The following TTC28 variants were observed in gnomAD, a reference collection of about 807,000 sequenced individuals.
The protein encoded by TTC28 is tetratricopeptide repeat protein 28.
In TTC28, 61 loss-of-function variants were observed where a neutral mutation model predicts 198.0. The ratio of observed to expected loss-of-function variants is 0.31; its 90% CI spans 0.25 to 0.38. TTC28 has a LOEUF of 0.38. Ranked by LOEUF, TTC28 falls within the 10% of genes least tolerant of loss-of-function variation. The pLI is 1.00. For synonymous variants in TTC28, 1,171 were observed against 1,297.8 expected (o/e 0.90, Z 2.10); for missense variants, 2,678 against 3,164.0 (o/e 0.85, Z 3.69).
chr22:28,490,550 A>G (rs2048363599), intron 2 of TTC28, among the ~76,000 whole-genome samples: 1 of 152,232 alleles, frequency 6.6e-6, no homozygotes, highest in African/African-American at 2.4e-5. Flanking sequence ...AAGAACCAGA[A>G]ATACTGGTGG....
chr22:28,251,919 A>G (rs905600723), intron 5 of TTC28, among the ~76,000 whole-genome samples: 1 of 152,224 alleles, frequency 6.6e-6, no homozygotes, highest in Non-Finnish European at 1.5e-5. Context: ...TCAACTGATT[A>G]TTAGCCATGT....
chr22:28,631,842 A>G (rs1160073355), intron 1 of TTC28, among the ~76,000 whole-genome samples: 3 of 152,176 alleles, frequency 2.0e-5, no homozygotes, highest in Admixed American at 6.5e-5. Flanking sequence ...TCATTTTTAA[A>G]ACATAAAAAT....
At chr22:28,646,535 C>A (rs2051470329) in intron 1 of TTC28, among the ~76,000 whole-genome samples, 1 of 152,158 alleles carries the variant, frequency 6.6e-6, no homozygotes, top group Non-Finnish European at 1.5e-5. Flanking sequence ...TGTCATTTTT[C>A]ACAGAATTAG....
chr22:28,448,808 C>A (rs769960361), intron 2 of TTC28, among the ~76,000 whole-genome samples: 6 of 152,172 alleles, frequency 3.9e-5, no homozygotes, highest in Non-Finnish European at 7.3e-5. Context: ...ACATTCAAAG[C>A]AGATCACCTC....
In TTC28 at chr22:28,257,801, T is replaced by G. The variant is rs1305405490; in HGVS notation, c.933+38397A>C. 3.5e-5 allele frequency among the ~76,000 whole-genome samples: 4 copies of G among 114,014 alleles called. No individual in the cohort carries two copies. The Admixed American group carries it at 3.8e-4, about 11-fold the overall frequency. 74.8% of individuals were successfully genotyped at this position (114,014 alleles called of 152,430 possible). ...ATATATCTTCTACTTCAATAAAAAA[T>G]AAAAAAAGAAAAAACAGCTTTGTCA... On this transcript the variant is annotated intron_variant, in intron 5 of 22. Transcript: ENST00000397906.
Position 28,285,393 on chromosome 22 carries a change from T to C in TTC28, c.933+10805A>G, listed in dbSNP as rs2044664559. On this transcript the variant is annotated intron_variant, in intron 5 of 22. Transcript: ENST00000397906. ...CGAAGCAGAGAGAGTAGAACAGTGGTTGCCAGGGCTTGGGGTGAGGGAAAT... is the reference window on the plus strand; with the variant it reads ...CGAAGCAGAGAGAGTAGAACAGTGGCTGCCAGGGCTTGGGGTGAGGGAAAT... Among the ~76,000 whole-genome samples the C allele has an allele frequency of 2.6e-5, 4 of 152,288 alleles. No homozygotes were observed. The South Asian group carries it at 8.3e-4, about 32-fold the overall frequency.
Position 27,978,844 on chromosome 22 carries a change from G to A in TTC28, c.*3377C>T, listed in dbSNP as rs1936927959. 1.3e-5 allele frequency: 2 copies of A among 152,194 alleles called. No homozygotes were observed. Among genetic ancestry groups the A allele is most frequent in the African/African-American group, 4.8e-5 (2 of 41,446 alleles). 9.4% of individuals were successfully genotyped at this position (152,194 alleles called of 1,614,324 possible). On this transcript the variant is annotated 3_prime_UTR_variant, in exon 23 of 23. Transcript: ENST00000397906. ...GGTCCTGCTGAGGTTTCTAAGAGAG[G>A]GGAGTTGTACGGCTTATAGTCATTG...
At chr22:28,301,065 A>G (rs960449641) in intron 3 of TTC28, among the ~76,000 whole-genome samples, 6 of 152,168 alleles carry the variant, frequency 3.9e-5, no homozygotes, top group Admixed American at 6.5e-5. Flanking sequence ...AAATTTAAAA[A>G]TTTTTTACTA....
At chr22:28,532,005 G>C (rs1009606171) in intron 2 of TTC28, among the ~76,000 whole-genome samples, 2 of 152,142 alleles carry the variant, frequency 1.3e-5, no homozygotes, top group African/African-American at 4.8e-5. Context: ...AAGAACTTGA[G>C]AAGCAAGAGC....
At chr22:28,159,757 C>A (rs1384422864) in intron 6 of TTC28, among the ~76,000 whole-genome samples, 7 of 151,876 alleles carry the variant, frequency 4.6e-5, no homozygotes, top group African/African-American at 1.7e-4. Flanking sequence ...GAAGAGATAT[C>A]TGTACTTCTA....
At position 28,107,658 on chromosome 22, in the gene TTC28, A is replaced by G. The variant is rs959978570; in HGVS notation, c.2187T>C (p.Asp729=). The change falls in exon 7 of 23, where the codon GAT becomes GAC. Residue 729 remains aspartate (D), a synonymous_variant. Coordinates refer to ENST00000397906, the MANE Select transcript of TTC28 (RefSeq NM_001145418.2). Reference sequence around the variant, plus strand: ...CATAGAATTTTATTGCACCATTTATATCTTTTTTACAGATGAATATATCGC... The same window carrying G: ...CATAGAATTTTATTGCACCATTTATGTCTTTTTTACAGATGAATATATCGC... ...NLGDIFICKK[D]INGAIKFYEQ... is the part of the protein sequence containing the mutation. 1.0e-5 allele frequency: 16 copies of G among 1,551,728 alleles called. No individual in the cohort carries two copies. In the East Asian group the frequency reaches 3.4e-4, roughly 33 times the overall value.
At chr22:27,984,336 G>T (rs893396270) in intron 22 of TTC28, among the ~76,000 whole-genome samples, 4 of 152,014 alleles carry the variant, frequency 2.6e-5, no homozygotes, top group Non-Finnish European at 5.9e-5. Context: ...GTCCATTCAG[G>T]TTTTAGTCCC....
At chr22:28,098,839 A>G in intron 10 of TTC28, 76 bp downstream of exon 10, 1 of 1,493,130 alleles carries the variant, frequency 6.7e-7, no homozygotes, top group Non-Finnish European at 9.0e-7. Context: ...CTGTCACTAA[A>G]CAACTTGGAC....
In TTC28 at chr22:28,635,050, G is replaced by A. The variant is rs181762170; in HGVS notation, c.103-5220C>T. Among the ~76,000 whole-genome samples, 1,176 of 152,214 alleles carry A rather than the reference G, an allele frequency of 7.7e-3. 15 individuals carry two copies. The highest frequency in any genetic ancestry group is 8.4e-3 in the Non-Finnish European group (572 of 67,998). On this transcript the variant is annotated intron_variant, in intron 1 of 22. Coordinates refer to ENST00000397906, the MANE Select transcript of TTC28 (RefSeq NM_001145418.2). ...ATAGTACTCCGTAAGGGATGGGCACGGTGGCTCACGCCTGTAATCCCAACA... is the reference window on the plus strand; with the variant it reads ...ATAGTACTCCGTAAGGGATGGGCACAGTGGCTCACGCCTGTAATCCCAACA...
chr22:28,262,621 T>A (rs960376144), intron 5 of TTC28, among the ~76,000 whole-genome samples: 1 of 152,074 alleles, frequency 6.6e-6, no homozygotes, highest in African/African-American at 2.4e-5. Flanking sequence ...ATTTCTGTCT[T>A]AAAATGAAAA....
intron 8 of TTC28, among the ~76,000 whole-genome samples, chr22:28,101,553 G>A (rs1942153372): frequency 6.6e-6 from 1 of 151,844 alleles, no homozygotes; most frequent in Admixed American, 6.6e-5. Flanking sequence ...TACGGACAGG[G>A]TTTCACCATG....
At chr22:28,295,366 T>C (rs1569244437) in intron 5 of TTC28, among the ~76,000 whole-genome samples, 1 of 152,224 alleles carries the variant, frequency 6.6e-6, no homozygotes, top group Non-Finnish European at 1.5e-5. Flanking sequence ...CTCTTCCCTA[T>C]TAATAATATT....
chr22:28,299,850 A>G (rs1393272200), intron 3 of TTC28, among the ~76,000 whole-genome samples: 1 of 152,186 alleles, frequency 6.6e-6, no homozygotes, highest in East Asian at 1.9e-4. Flanking sequence ...ATGACATCAC[A>G]CCAGGCAAGA....
intron 10 of TTC28, among the ~76,000 whole-genome samples, chr22:28,098,495 T>C (rs915742990): frequency 1.3e-5 from 2 of 152,038 alleles, no homozygotes; most frequent in Non-Finnish European, 2.9e-5. Context: ...GAGCATTGCC[T>C]GAGCCCAGGA....
Sources: gnomAD v4.1 joint callset for allele counts (sites outside exome capture counted in the v4.1 genomes callset) on GRCh38, gnomAD v4.1.1 for gene constraint, MANE v1.5 for transcripts, NCBI Gene and HGNC (gene_info 2026-07-23, HGNC 2026-07-21) for gene names.